Variants in CD2BP2 observed in about 807,000 individuals in gnomAD.
CD2BP2 encodes the protein CD2 cytoplasmic tail binding protein 2.
In CD2BP2, 27 loss-of-function variants were observed where a neutral mutation model predicts 35.9. The observed-to-expected ratio is 0.75, with a 90% CI of 0.55 to 1.04. CD2BP2 has a LOEUF of 1.04. CD2BP2 is among the 50% of genes least tolerant of loss of function. The probability of loss-of-function intolerance (pLI) is 0.00; values close to 1 mark genes in which losing one functional copy is unlikely to be tolerated. For synonymous variants in CD2BP2, 213 were observed against 173.5 expected, an observed-to-expected ratio of 1.23 and a Z score of -1.79; for missense variants, 497 against 444.3, an observed-to-expected ratio of 1.12 and a Z score of -1.07.
chr16:30,353,958 GTTGCCATCGGCA>G lies in CD2BP2; in HGVS notation c.306_317del (p.Ala103_Asn106del). On this transcript the variant is annotated inframe_deletion, in exon 4 of 7. Transcript: ENST00000305596. ...TCTGAGCATCCCGGTTCAGGAAGTA[GTTGCCATCGGCA>G]TCAAAGTGGCCTTCCTCCATCTCCT... The G allele has an allele frequency of 6.2e-7, 1 of 1,614,188 alleles. No homozygotes were observed.
chr16:30,354,901 G>T (rs1291164599), intron 1 of CD2BP2, 194 bp from the exon 2 acceptor site: 1 of 570,440 alleles, frequency 1.8e-6, no homozygotes, highest in African/African-American at 1.9e-5. Flanking sequence ...GTTAAACGGG[G>T]CGGGGACGGA....
In CD2BP2 at chr16:30,354,063, A is replaced by T; in HGVS notation, c.218-5T>A. 3 of 1,613,950 alleles carry T rather than the reference A, an allele frequency of 1.9e-6. No homozygotes were observed. Among genetic ancestry groups the T allele is most frequent in the Non-Finnish European group, 2.5e-6 (3 of 1,179,936 alleles). On this transcript the variant is annotated splice_region_variant and splice_polypyrimidine_tract_variant and intron_variant, in intron 3 of 6. Coordinates refer to ENST00000305596, the MANE Select transcript of CD2BP2 (RefSeq NM_006110.3). ...GGAGTGTGGCTGCCTCCTGACCTGCACCAAAGACACAGGTGCCCTTTTCCA... is the reference window on the plus strand; with the variant it reads ...GGAGTGTGGCTGCCTCCTGACCTGCTCCAAAGACACAGGTGCCCTTTTCCA...
At chr16:30,353,147 G>C (rs2049497485) in intron 6 of CD2BP2, 34 bp downstream of exon 6, 2 of 1,608,546 alleles carry the variant, frequency 1.2e-6, no homozygotes, top group African/African-American at 2.7e-5. Flanking sequence ...GGGGGAAGCA[G>C]GGACAAGGCA....
chr16:30,354,582 C>T (rs375284045), intron 2 of CD2BP2, 22 bp downstream of exon 2: 1 of 1,610,336 alleles, frequency 6.2e-7, no homozygotes, highest in African/African-American at 1.3e-5. Context: ...TTCCCCCACA[C>T]AAAGCAGTCT....
chr16:30,354,256 T>C lies in CD2BP2; in HGVS notation c.145A>G (p.Ser49Gly), dbSNP rs1314738995. ...TCATCATCATCCTCCTCCTCATCGC[T>C]ATCCAAAGAGTGTTTGCCTTTAAAG... ...SRFKGKHSLD[S>G]DEEEDDDDGG... Residue 49 changes from serine (S) to glycine (G), a missense_variant, in exon 3 of 7, where the codon AGC (serine) becomes GGC (glycine). Transcript: ENST00000305596. 3 of 1,614,050 alleles carry C rather than the reference T, an allele frequency of 1.9e-6. No homozygotes were observed. Among genetic ancestry groups the C allele is most frequent in the Non-Finnish European group, 2.5e-6 (3 of 1,179,988 alleles).
rs751144941 is a variant in CD2BP2 at position 30,353,299 on chromosome 16, G to C, written c.809-12C>G. 6.2e-7 allele frequency: 1 copy of C among 1,613,874 alleles called. No individual in the cohort carries two copies. Among genetic ancestry groups the C allele is most frequent in the Non-Finnish European group, 8.5e-7 (1 of 1,179,766 alleles). On this transcript the variant is annotated splice_polypyrimidine_tract_variant and intron_variant, in intron 5 of 6. Coordinates refer to ENST00000305596, the MANE Select transcript of CD2BP2 (RefSeq NM_006110.3). ...CCGCGACTCTGCTTCTAAAATAACA[G>C]GCAAAGCCATTTGGCCTCCAGTGTC...
chr16:30,354,762 A>G, intron 1 of CD2BP2, 55 bp from the exon 2 acceptor site: 1 of 1,191,864 alleles, frequency 8.4e-7, no homozygotes, highest in Non-Finnish European at 1.3e-6. Flanking sequence ...TCGCCAACAG[A>G]CGCAGCACAG....
chr16:30,354,536 G>A (rs2049517310), intron 2 of CD2BP2, 68 bp downstream of exon 2: 9 of 1,529,556 alleles, frequency 5.9e-6, no homozygotes, highest in South Asian at 1.1e-5. Context: ...CCCCTCTCCC[G>A]CCAGCTTTCT....
chr16:30,354,688 G>T lies in CD2BP2; in HGVS notation c.-7C>A, dbSNP rs201661518. 9.5e-5 allele frequency: 154 copies of T among 1,613,422 alleles called. No individual in the cohort carries two copies. The African/African-American group carries it at 1.6e-3, about 16-fold the overall frequency. ...TCACTTTCCTCTTTGGCATGACGGG[G>T]CAAAGAGGTGTTTCTCAAGCTGAGG... On this transcript the variant is annotated 5_prime_UTR_variant, in exon 2 of 7. Transcript: ENST00000305596.
chr16:30,354,618 C>A lies in CD2BP2; in HGVS notation c.64G>T (p.Val22Phe). 6.2e-7 allele frequency: 1 copy of A among 1,613,874 alleles called. No homozygotes were observed. The highest frequency in any genetic ancestry group is 1.1e-5 in the South Asian group (1 of 91,064). ...GDEEDEDEII[V>F]PKKKLVDPVA... ...GGCCCCCTCACCTTCTTCTTGGGGA[C>A]AATGATTTCATCCTCATCCTCCTCA... Residue 22 changes from valine to phenylalanine, a missense_variant, in exon 2 of 7, where the codon GTC (valine) becomes TTC (phenylalanine). Val to Phe is a conservative substitution (Grantham distance 50). Coordinates refer to ENST00000305596, the MANE Select transcript of CD2BP2 (RefSeq NM_006110.3).
chr16:30,354,553 T>C (rs2049517639), intron 2 of CD2BP2, 51 bp downstream of exon 2: 1 of 1,585,656 alleles, frequency 6.3e-7, no homozygotes, highest in Non-Finnish European at 8.7e-7. Flanking sequence ...TTCTTCCTCT[T>C]CAGGCTTCTA....
intron 2 of CD2BP2, 128 bp from the exon 3 acceptor site, chr16:30,354,450 G>A (rs2151097979): frequency 2.9e-6 from 4 of 1,379,824 alleles, no homozygotes; most frequent in Middle Eastern, 1.9e-4. Context: ...TATTTCAGGA[G>A]CCACACTAAA....
At chr16:30,354,759 C>T in intron 1 of CD2BP2, 52 bp from the exon 2 acceptor site, 3 of 1,214,552 alleles carry the variant, frequency 2.5e-6, no homozygotes, top group South Asian at 2.4e-5. Context: ...GACTCGCCAA[C>T]AGACGCAGCA....
In CD2BP2 at chr16:30,354,434, C is replaced by T. The variant is rs2049516307; in HGVS notation, c.79-112G>A. On this transcript the variant is annotated intron_variant, in intron 2 of 6. Coordinates refer to ENST00000305596, the MANE Select transcript of CD2BP2 (RefSeq NM_006110.3). ...AATATTTCAGGATCTCGACTACTTC[C>T]CCAAATATTTCAGGAGCCACACTAA... 4 of 1,418,158 alleles carry T rather than the reference C, an allele frequency of 2.8e-6. No homozygotes were observed. The South Asian group carries it at 5.2e-5, about 19-fold the overall frequency. The allele number at this position is 1,418,158 out of a possible 1,614,324, so 87.8% of individuals were successfully genotyped here. A position where few individuals can be genotyped will look rare whatever the true frequency, so the allele number is the denominator to read the frequency against.
intron 1 of CD2BP2, chr16:30,354,990 C>G (rs2049523939): frequency 3.0e-6 from 1 of 336,206 alleles, no homozygotes; most frequent in African/African-American, 2.2e-5. Flanking sequence ...ACTCCAGCCC[C>G]CGCAGTCTGC....
At position 30,353,589 on chromosome 16, in the gene CD2BP2, G is replaced by C. The variant is rs752399784; in HGVS notation, c.587C>G (p.Pro196Arg). 5 of 1,613,958 alleles carry C rather than the reference G, an allele frequency of 3.1e-6. No homozygotes were observed. The African/African-American group carries it at 6.7e-5, about 22-fold the overall frequency. Residue 196 changes from proline to arginine, a missense_variant, in exon 5 of 7, where the codon CCT (proline) becomes CGT (arginine). Pro to Arg is a moderately radical substitution (Grantham distance 103, BLOSUM62 -2). Transcript: ENST00000305596. ...CCCGGAGAGCCGGTCCAGGCGCTGA[G>C]GGGAACTGGGTTGCCCAGGCCCCTT... is the stretch of plus-strand genomic sequence containing the variant. ...GRKGPGQPSS[P>R]QRLDRLSGLA...
chr16:30,352,828 A>G lies in CD2BP2; in HGVS notation c.*157T>C. On this transcript the variant is annotated 3_prime_UTR_variant, in exon 7 of 7. Coordinates refer to ENST00000305596, the MANE Select transcript of CD2BP2 (RefSeq NM_006110.3). ...AGAAGGCCCCTGGCTTCTGGCCATC[A>G]GCACAGCCAAGGCCCCAGTACACAA... 1.6e-6 allele frequency: 1 copy of G among 617,816 alleles called. No homozygotes were observed. Among genetic ancestry groups the G allele is most frequent in the Non-Finnish European group, 2.9e-6 (1 of 344,362 alleles). 38.3% of individuals were successfully genotyped at this position (617,816 alleles called of 1,614,324 possible).
Position 30,351,540 on chromosome 16 carries a change from A to T in CD2BP2, c.*1445T>A, listed in dbSNP as rs1382059857. On this transcript the variant is annotated 3_prime_UTR_variant, in exon 7 of 7. Coordinates refer to ENST00000305596, the MANE Select transcript of CD2BP2 (RefSeq NM_006110.3). ...TTGGAGTGAATGAAATTCCGGTGTGAGCAGGCACTAGAAGGGGCCTCACAA... is the reference window on the plus strand; with the variant it reads ...TTGGAGTGAATGAAATTCCGGTGTGTGCAGGCACTAGAAGGGGCCTCACAA... 3 of 152,136 alleles carry T rather than the reference A, an allele frequency of 2.0e-5. No homozygotes were observed. Among genetic ancestry groups the T allele is most frequent in the African/African-American group, 4.8e-5 (2 of 41,386 alleles). 9.4% of individuals were successfully genotyped at this position (152,136 alleles called of 1,614,324 possible). A position where few individuals can be genotyped will look rare whatever the true frequency, so the allele number is the denominator to read the frequency against.
rs1470506168 is a variant in CD2BP2, at chr16:30,351,036, C to G, written c.*1949G>C. On this transcript the variant is annotated 3_prime_UTR_variant, in exon 7 of 7. Coordinates refer to ENST00000305596, the MANE Select transcript of CD2BP2 (RefSeq NM_006110.3). Reference sequence around the variant, plus strand: ...CCTTATAAGGGCCCCCATGATTACTCAGGGCCCACCTCAACCATCCACGGT... The same window carrying G: ...CCTTATAAGGGCCCCCATGATTACTGAGGGCCCACCTCAACCATCCACGGT... The G allele has an allele frequency of 3.3e-5, 5 of 152,652 alleles. No individual in the cohort carries two copies. Among genetic ancestry groups the G allele is most frequent in the Non-Finnish European group, 2.9e-5 (2 of 68,050 alleles). The allele number at this position is 152,652 out of a possible 1,614,324, so 9.5% of individuals were successfully genotyped here. A position where few individuals can be genotyped will look rare whatever the true frequency, so the allele number is the denominator to read the frequency against.
Sources: gnomAD v4.1 joint callset for allele counts on GRCh38, gnomAD v4.1.1 for gene constraint, MANE v1.5 for transcripts, NCBI Gene and HGNC (gene_info 2026-07-23, HGNC 2026-07-21) for gene names.